The following TRERF1 variants were observed in gnomAD, a reference collection of about 807,000 sequenced individuals.
The protein encoded by TRERF1 is transcriptional regulating factor 1, also known as transcriptional-regulating factor 1.
Under a neutral mutation model 122.9 loss-of-function variants are expected in TRERF1, and 27 were observed. The ratio of observed to expected loss-of-function variants is 0.22; its 90% CI spans 0.16 to 0.30. The LOEUF (loss-of-function observed/expected upper bound fraction) is 0.30. Among genes scored for constraint, TRERF1 ranks in the 10% least tolerant of loss-of-function variants. The probability of loss-of-function intolerance (pLI) is 1.00; values close to 1 mark genes in which losing one functional copy is unlikely to be tolerated. For synonymous variants in TRERF1, 636 were observed against 641.7 expected (o/e 0.99, Z 0.13); for missense variants, 1,248 against 1,560.3 (o/e 0.80, Z 3.37).
intron 3 of TRERF1, among the ~76,000 whole-genome samples, chr6:42,324,810 C>T (rs1764008402): frequency 6.6e-6 from 1 of 152,056 alleles, no homozygotes. Context: ...TAGAAGAAAA[C>T]CTAGGAAATA....
chr6:42,259,002 T>C lies in TRERF1; in HGVS notation c.2269+337A>G, dbSNP rs2149779484. Reference sequence around the variant, plus strand: ...CACCCGCCTCGACCTCCGAAAACGCTGGGATTACAGGTGTGAGCCACCGCG... The same window carrying C: ...CACCCGCCTCGACCTCCGAAAACGCCGGGATTACAGGTGTGAGCCACCGCG... On this transcript the variant is annotated intron_variant, in intron 9 of 17. Coordinates refer to ENST00000372922, the Ensembl canonical transcript of TRERF1. This position sits in a 1 kb window ranked among gnomAD's most constrained non-coding sequence, Gnocchi z 4.9. 6.6e-6 allele frequency among the ~76,000 whole-genome samples: 1 copy of C among 152,240 alleles called. No homozygotes were observed. Among genetic ancestry groups the C allele is most frequent in the African/African-American group, 2.4e-5 (1 of 41,554 alleles).
intron 2 of TRERF1, among the ~76,000 whole-genome samples, chr6:42,367,624 C>A (rs569013838): frequency 6.6e-6 from 1 of 152,152 alleles, no homozygotes; most frequent in Admixed American, 6.5e-5. Flanking sequence ...GGCTTCTCCT[C>A]ACCCCAAGCA....
rs144799998 is a variant in TRERF1, at chr6:42,383,655, T to C, written c.-453-20576A>G. Among the ~76,000 whole-genome samples the C allele has an allele frequency of 1.1e-4, 16 of 152,204 alleles. No individual in the cohort carries two copies. The East Asian group carries it at 2.5e-3, about 24-fold the overall frequency. Reference sequence around the variant, plus strand: ...ACCCAAGAAAATGGACTCGTTTTCATCACCAGAGAGTTGATCCATCCCACT... The same window carrying C: ...ACCCAAGAAAATGGACTCGTTTTCACCACCAGAGAGTTGATCCATCCCACT... On this transcript the variant is annotated intron_variant, in intron 2 of 17. Coordinates refer to ENST00000372922, the Ensembl canonical transcript of TRERF1.
intron 4 of TRERF1, among the ~76,000 whole-genome samples, chr6:42,285,985 G>A (rs1483854614): frequency 2.6e-5 from 4 of 151,064 alleles, no homozygotes; most frequent in South Asian, 2.1e-4. Flanking sequence ...CAGAAATAAC[G>A]CCGCATATCT....
At chr6:42,437,904 G>GTTATTTAT (rs574262518) in intron 2 of TRERF1, among the ~76,000 whole-genome samples, 4 of 151,744 alleles carry the variant, frequency 2.6e-5, no homozygotes, top group African/African-American at 7.3e-5. Context: ...GTAGGCAGCT[G>GTTATTTAT]TTATTTATTT....
intron 3 of TRERF1, among the ~76,000 whole-genome samples, chr6:42,333,998 TACAC>T (rs3997687): frequency 0.034 from 4,962 of 147,116 alleles, 229 homozygotes; most frequent in African/African-American, 0.11. Flanking sequence ...ACACATACAC[TACAC>T]ACACACACAC....
intron 2 of TRERF1, among the ~76,000 whole-genome samples, chr6:42,382,072 C>T (rs1776033589): frequency 6.6e-6 from 1 of 151,568 alleles, no homozygotes; most frequent in South Asian, 2.1e-4. Flanking sequence ...TGAGGCCTGC[C>T]CAAAATAATG....
chr6:42,323,566 A>G (rs952165950), intron 3 of TRERF1, among the ~76,000 whole-genome samples: 4 of 152,116 alleles, frequency 2.6e-5, no homozygotes, highest in African/African-American at 9.7e-5. Context: ...ATCATGGGAG[A>G]GAGGAAAGAT....
Position 42,276,862 on chromosome 6 carries a change from G to A in TRERF1, c.-258-7014C>T, listed in dbSNP as rs34696083. 0.029 allele frequency among the ~76,000 whole-genome samples: 4,449 copies of A among 152,262 alleles called. 62 individuals carry two copies. Among genetic ancestry groups the A allele is most frequent in the Non-Finnish European group, 0.037 (2,494 of 68,032 alleles). ...CCTCAGGTCTCACCCTGTAGCATCA[G>A]TTGCTCCCTCCAAGCCCTGGGGATC... On this transcript the variant is annotated intron_variant, in intron 4 of 17. Transcript: ENST00000372922. This position sits in a 1 kb window ranked among gnomAD's most constrained non-coding sequence, Gnocchi z 4.3.
chr6:42,254,708 T>C (rs570281956), intron 13 of TRERF1, 143 bp downstream of exon 13: 62 of 746,690 alleles, frequency 8.3e-5, no homozygotes, highest in Non-Finnish European at 1.3e-4. Flanking sequence ...GCAACAGACA[T>C]AGCTCTGCCC....
At chr6:42,445,786 G>A (rs780226072) in intron 2 of TRERF1, among the ~76,000 whole-genome samples, 52 of 151,850 alleles carry the variant, frequency 3.4e-4, no homozygotes, top group Non-Finnish European at 6.5e-4. Context: ...CACCTCCTTC[G>A]CCTCCTCCTC....
At chr6:42,320,224 T>C (rs1324657956) in intron 3 of TRERF1, among the ~76,000 whole-genome samples, 1 of 152,082 alleles carries the variant, frequency 6.6e-6, no homozygotes. Context: ...TATATTATTA[T>C]ATGTCTATTC....
Position 42,228,607 on chromosome 6 carries a change from T to C in TRERF1, c.3341A>G (p.Gln1114Arg), listed in dbSNP as rs201301255. ...CGCCTTCTGAGCCTTTTGCCTCTGT[T>C]GTTCCTCCTGCTGCCTGTGAGTTTT... Residue 1114 changes from glutamine to arginine, a missense_variant, in exon 18 of 18, where the codon CAA (glutamine) becomes CGA (arginine). Transcript: ENST00000372922. This position sits in a 1 kb window ranked among gnomAD's most constrained non-coding sequence, Gnocchi z 4.2. 33 of 1,614,178 alleles carry C rather than the reference T, an allele frequency of 2.0e-5. No individual in the cohort carries two copies. In the East Asian group the frequency reaches 7.4e-4, roughly 36 times the overall value.
At chr6:42,265,226 T>G (rs986088173) in intron 6 of TRERF1, among the ~76,000 whole-genome samples, 6 of 152,242 alleles carry the variant, frequency 3.9e-5, no homozygotes, top group Non-Finnish European at 8.8e-5. Flanking sequence ...TGCAAGTTCC[T>G]GGGGCAGCCG....
intron 2 of TRERF1, among the ~76,000 whole-genome samples, chr6:42,436,814 A>ATATATATATATATAT (rs1554219616): frequency 4.5e-5 from 3 of 66,696 alleles, no homozygotes; most frequent in Non-Finnish European, 8.2e-5. Flanking sequence ...AAAAAAAAAA[A>ATATATATATATATAT]ATATATATAT....
At chr6:42,246,876 G>T (rs1774899438) in intron 13 of TRERF1, among the ~76,000 whole-genome samples, 1 of 152,182 alleles carries the variant, frequency 6.6e-6, no homozygotes, top group Admixed American at 6.5e-5. Flanking sequence ...CATCATCGCT[G>T]GGAAACAGTG....
chr6:42,445,723 C>T (rs999667490), intron 2 of TRERF1, among the ~76,000 whole-genome samples: 11 of 152,096 alleles, frequency 7.2e-5, no homozygotes, highest in Non-Finnish European at 1.5e-4. Flanking sequence ...CCACAGCAGC[C>T]CTGCCCATTC....
intron 3 of TRERF1, among the ~76,000 whole-genome samples, chr6:42,314,282 G>A (rs147934824): frequency 3.9e-5 from 6 of 152,340 alleles, no homozygotes; most frequent in African/African-American, 1.4e-4. Context: ...TTTGTGCTTT[G>A]TAAACATCTC....
intron 8 of TRERF1, among the ~76,000 whole-genome samples, chr6:42,261,394 G>A (rs1377583396): frequency 1.3e-5 from 2 of 152,206 alleles, no homozygotes; most frequent in African/African-American, 4.8e-5. Flanking sequence ...GCAAGGCTCT[G>A]AGCCACTGGG....
Sources: gnomAD v4.1 joint callset for allele counts (sites outside exome capture counted in the v4.1 genomes callset) on GRCh38, gnomAD v4.1.1 for gene constraint, Gnocchi (gnomAD v3.1) non-coding constraint, MANE v1.5 for transcripts, NCBI Gene and HGNC (gene_info 2026-07-23, HGNC 2026-07-21) for gene names.